The following PDE11A variants were observed in gnomAD, a reference collection of about 807,000 sequenced individuals.
PDE11A encodes the protein dual 3',5'-cyclic-AMP and -GMP phosphodiesterase 11A.
Under a neutral mutation model 100.5 loss-of-function variants are expected in PDE11A, and 100 were observed. The observed-to-expected ratio is 1.00, with a 90% CI of 0.85 to 1.18. PDE11A has a LOEUF of 1.18. Ranked by LOEUF, PDE11A falls within the 50% of genes most tolerant of loss-of-function variation. PDE11A has a pLI of 0.00. For synonymous variants in PDE11A, 381 were observed against 420.8 expected, an observed-to-expected ratio of 0.91 and a Z score of 1.16; for missense variants, 1,141 against 1,152.6, an observed-to-expected ratio of 0.99 and a Z score of 0.15.
intron 17 of PDE11A, among the ~76,000 whole-genome samples, chr2:177,674,370 A>G (rs954585893): frequency 6.6e-6 from 1 of 152,194 alleles, no homozygotes; most frequent in Non-Finnish European, 1.5e-5. Flanking sequence ...GCAGAAATTG[A>G]GGTGTCAGCA....
chr2:177,991,362 A>G (rs1357701995), intron 2 of PDE11A, among the ~76,000 whole-genome samples: 2 of 148,812 alleles, frequency 1.3e-5, no homozygotes, highest in East Asian at 2.0e-4. Context: ...TGGGCCGGGC[A>G]TGGTGGCTCA....
At chr2:177,834,427 T>G (rs905850961) in intron 6 of PDE11A, among the ~76,000 whole-genome samples, 5 of 152,344 alleles carry the variant, frequency 3.3e-5, no homozygotes, top group African/African-American at 7.2e-5. Context: ...CCTTCATTTT[T>G]GGGGGAATGT....
intron 10 of PDE11A, among the ~76,000 whole-genome samples, chr2:177,739,257 C>T (rs1322945647): frequency 6.6e-6 from 1 of 152,128 alleles, no homozygotes; most frequent in Non-Finnish European, 1.5e-5. Context: ...CAACGTGCTG[C>T]ACTCCACCGT....
At chr2:178,093,441 T>A (rs1015690260) in intron 2 of PDE11A, among the ~76,000 whole-genome samples, 15 of 150,924 alleles carry the variant, frequency 9.9e-5, no homozygotes, top group Admixed American at 6.6e-4. Context: ...CCAAGCTGCC[T>A]CTATCCAGAT....
intron 5 of PDE11A, among the ~76,000 whole-genome samples, chr2:177,874,881 T>C (rs1361875170): frequency 6.6e-6 from 1 of 152,160 alleles, no homozygotes; most frequent in Non-Finnish European, 1.5e-5. Flanking sequence ...CTAAATAACT[T>C]GGATTCAAAG....
rs1553535236 is a variant in PDE11A, at chr2:177,660,109, C to CTCTCTT, written c.2646+3756_2646+3757insAAGAGA. Among the ~76,000 whole-genome samples the CTCTCTT allele has an allele frequency of 3.5e-4, 33 of 93,030 alleles. 2 individuals carry two copies. The highest frequency in any genetic ancestry group is 1.1e-3 in the African/African-American group (27 of 24,286). 61.0% of individuals were successfully genotyped at this position (93,030 alleles called of 152,430 possible). A position where few individuals can be genotyped will look rare whatever the true frequency, so the allele number is the denominator to read the frequency against. On this transcript the variant is annotated intron_variant, in intron 19 of 19. Transcript: ENST00000286063. Reference sequence around the variant, plus strand: ...TTTCTTTCTTTCTTTCTCTCTCTCTCTCTTTCTTTCTTTCTTTCTTTCATT... The same window carrying CTCTCTT: ...TTTCTTTCTTTCTTTCTCTCTCTCTCTCTCTTTCTTTCTTTCTTTCTTTCTTTCATT...
chr2:177,893,742 C>T (rs974100946), intron 4 of PDE11A, among the ~76,000 whole-genome samples: 1 of 151,950 alleles, frequency 6.6e-6, no homozygotes, highest in African/African-American at 2.4e-5. Context: ...TGAAGACTGT[C>T]TAAGAAGCAT....
chr2:177,661,131 G>T (rs190252949), intron 19 of PDE11A, among the ~76,000 whole-genome samples: 72 of 152,296 alleles, frequency 4.7e-4, no homozygotes, highest in African/African-American at 1.6e-3. Context: ...CTACCTTGGG[G>T]TCAGGCCTTA....
At chr2:177,668,195 C>G (rs1313901527) in intron 18 of PDE11A, among the ~76,000 whole-genome samples, 1 of 152,182 alleles carries the variant, frequency 6.6e-6, no homozygotes, top group Non-Finnish European at 1.5e-5. Context: ...TGCTGCGCTA[C>G]TGCACCCACC....
chr2:177,948,038 C>CT (rs965088674), intron 2 of PDE11A, among the ~76,000 whole-genome samples: 27 of 147,152 alleles, frequency 1.8e-4, no homozygotes, highest in East Asian at 7.9e-4. Context: ...TGTGCACGAC[C>CT]TTTTTTTTTT....
intron 2 of PDE11A, among the ~76,000 whole-genome samples, chr2:177,927,347 C>A (rs937342204): frequency 3.9e-5 from 6 of 152,184 alleles, no homozygotes; most frequent in African/African-American, 1.4e-4. Context: ...GTCAAATTAG[C>A]AAATACTTCC....
At chr2:177,872,699 C>G (rs1225063220) in intron 5 of PDE11A, among the ~76,000 whole-genome samples, 1 of 152,126 alleles carries the variant, frequency 6.6e-6, no homozygotes, top group African/African-American at 2.4e-5. Flanking sequence ...TAATAGACAT[C>G]ATCTATAGTG....
At chr2:177,998,820 C>T in intron 2 of PDE11A, 1 of 659,254 alleles carries the variant, frequency 1.5e-6, no homozygotes, top group Non-Finnish European at 2.8e-6. Context: ...TCCTTGCCGG[C>T]ACCACTGCCA....
intron 9 of PDE11A, among the ~76,000 whole-genome samples, chr2:177,790,031 A>C (rs1408240730): frequency 6.6e-6 from 1 of 152,052 alleles, no homozygotes; most frequent in East Asian, 1.9e-4. Flanking sequence ...CAGAATTGGA[A>C]AAAACTACTT....
At chr2:177,661,496 A>C (rs2105475662) in intron 19 of PDE11A, among the ~76,000 whole-genome samples, 1 of 152,316 alleles carries the variant, frequency 6.6e-6, no homozygotes, top group African/African-American at 2.4e-5. Context: ...CCAACAGTTA[A>C]TGTGAGATTA....
intron 15 of PDE11A, among the ~76,000 whole-genome samples, chr2:177,695,946 C>T (rs932149738): frequency 2.0e-5 from 3 of 152,092 alleles, no homozygotes; most frequent in Admixed American, 2.0e-4. Context: ...GATGGTCAGT[C>T]AGGAAGATGG....
chr2:177,793,938 T>C (rs2082668319), intron 9 of PDE11A, among the ~76,000 whole-genome samples: 1 of 152,196 alleles, frequency 6.6e-6, no homozygotes, highest in South Asian at 2.1e-4. Context: ...CCTTTAAACA[T>C]TTCTCAGTCA....
In PDE11A at chr2:177,663,955, A is replaced by G. The variant is rs1230813240; in HGVS notation, c.2563-6T>C. ...CGGTTCCGATCAAAAATTGCCTAGA[A>G]TGGGGGGCAGGAAGAACCTCGCTTT... On this transcript the variant is annotated splice_polypyrimidine_tract_variant and splice_region_variant and intron_variant, in intron 18 of 19. Coordinates refer to ENST00000286063, the MANE Select transcript of PDE11A (RefSeq NM_016953.4). 14 of 1,596,890 alleles carry G rather than the reference A, an allele frequency of 8.8e-6. No homozygotes were observed. Among genetic ancestry groups the G allele is most frequent in the Admixed American group, 1.7e-5 (1 of 59,968 alleles).
chr2:177,749,452 A>C (rs1244045036), intron 10 of PDE11A, among the ~76,000 whole-genome samples: 1 of 152,148 alleles, frequency 6.6e-6, no homozygotes, highest in African/African-American at 2.4e-5. Context: ...CCCAGAGGTT[A>C]ACAAACATTA....
Sources: gnomAD v4.1 joint callset for allele counts (sites outside exome capture counted in the v4.1 genomes callset) on GRCh38, gnomAD v4.1.1 for gene constraint, MANE v1.5 for transcripts, NCBI Gene and HGNC (gene_info 2026-07-23, HGNC 2026-07-21) for gene names.